The following PAPPA2 variants were observed in gnomAD, a reference collection of about 807,000 sequenced individuals.
PAPPA2 encodes pappalysin 2.
Under a neutral mutation model 176.4 loss-of-function variants are expected in PAPPA2, and 86 were observed. The ratio of observed to expected loss-of-function variants is 0.49; its 90% CI spans 0.41 to 0.58. The LOEUF is 0.58. Ranked by LOEUF, PAPPA2 falls within the 20% of genes least tolerant of loss-of-function variation. PAPPA2 has a pLI of 0.00. For synonymous variants in PAPPA2, 809 were observed against 852.2 expected (o/e 0.95, Z 0.88); for missense variants, 2,073 against 2,256.9 (o/e 0.92, Z 1.65).
At chr1:176,596,401 T>C (rs2102653110) in intron 3 of PAPPA2, among the ~76,000 whole-genome samples, 1 of 152,334 alleles carries the variant, frequency 6.6e-6, no homozygotes, top group East Asian at 1.9e-4. Flanking sequence ...CTCAGGGCTT[T>C]TATGTGCTGT....
chr1:176,490,121 A>C (rs1344690253), intron 1 of PAPPA2, among the ~76,000 whole-genome samples: 1 of 151,948 alleles, frequency 6.6e-6, no homozygotes, highest in Non-Finnish European at 1.5e-5. Flanking sequence ...TTTTGGAAAG[A>C]AGCAAAGTTT....
chr1:176,835,870 AGG>A (rs1667252865), intron 21 of PAPPA2, among the ~76,000 whole-genome samples: 1 of 152,112 alleles, frequency 6.6e-6, no homozygotes, highest in African/African-American at 2.4e-5. Context: ...GAGGTCCCTG[AGG>A]GGCCCTACAG....
At position 176,514,838 on chromosome 1, in the gene PAPPA2, A is replaced by G. The variant is rs61821122; in HGVS notation, c.-916-40569A>G. 5.8e-3 allele frequency among the ~76,000 whole-genome samples: 880 copies of G among 152,360 alleles called. 4 individuals carry two copies. The highest frequency in any genetic ancestry group is 9.9e-3 in the Admixed American group (152 of 15,300). On this transcript the variant is annotated intron_variant, in intron 1 of 22. Transcript: ENST00000367662. ...TACAGAAAGCCTCTCCGGCTTGTGCATATCTCTGGTAGAGTTTGCCCATTC... is the reference window on the plus strand; with the variant it reads ...TACAGAAAGCCTCTCCGGCTTGTGCGTATCTCTGGTAGAGTTTGCCCATTC...
At chr1:176,828,211 G>GT (rs1177413963) in intron 21 of PAPPA2, among the ~76,000 whole-genome samples, 20 of 152,194 alleles carry the variant, frequency 1.3e-4, no homozygotes, top group African/African-American at 4.6e-4. Context: ...AACAGCGCCA[G>GT]TTTTTATTTT....
chr1:176,610,349 G>T (rs1013623322), intron 3 of PAPPA2, among the ~76,000 whole-genome samples: 13 of 150,764 alleles, frequency 8.6e-5, no homozygotes, highest in Admixed American at 3.3e-4. Context: ...GTGTGTGGGG[G>T]GGGGGAGTAG....
intron 1 of PAPPA2, among the ~76,000 whole-genome samples, chr1:176,531,830 C>T (rs10913196): frequency 0.75 from 114,132 of 152,116 alleles, 43,282 homozygotes; most frequent in East Asian, 0.99. Context: ...GAAACGAGTA[C>T]TCTTTAGTAT....
At chr1:176,610,692 G>A (rs999728332) in intron 3 of PAPPA2, among the ~76,000 whole-genome samples, 2 of 152,282 alleles carry the variant, frequency 1.3e-5, no homozygotes, top group African/African-American at 4.8e-5. Context: ...GGAGAGTGGT[G>A]ATGATTAAGA....
At chr1:176,602,379 C>T (rs1382943571) in intron 3 of PAPPA2, among the ~76,000 whole-genome samples, 1 of 152,026 alleles carries the variant, frequency 6.6e-6, no homozygotes, top group Non-Finnish European at 1.5e-5. Flanking sequence ...TGCAGGTATA[C>T]AATAGAAAGG....
At chr1:176,822,529 A>G (rs1180107145) in intron 21 of PAPPA2, among the ~76,000 whole-genome samples, 1 of 152,182 alleles carries the variant, frequency 6.6e-6, no homozygotes, top group Non-Finnish European at 1.5e-5. Flanking sequence ...AGCTATACTC[A>G]CAAGTCTTTT....
intron 21 of PAPPA2, among the ~76,000 whole-genome samples, chr1:176,803,088 A>G (rs1665750830): frequency 6.6e-6 from 1 of 152,148 alleles, no homozygotes. Flanking sequence ...TACTCCTTGT[A>G]TCTTCTGTTT....
rs1376219008 is a variant in PAPPA2, at chr1:176,471,125, A to G, written c.-917+7707A>G. ...GGAAGTGTTTGTTACTTGGTACAAC[A>G]AGAACCCATATGGGAGAAGTGAAAA... On this transcript the variant is annotated intron_variant, in intron 1 of 22. Coordinates refer to ENST00000367662, the MANE Select transcript of PAPPA2 (RefSeq NM_020318.3). Among the ~76,000 whole-genome samples the G allele has an allele frequency of 2.0e-5, 3 of 152,150 alleles. No homozygotes were observed. In the East Asian group the frequency reaches 5.8e-4, roughly 29 times the overall value.
At chr1:176,645,322 C>T (rs1657337785) in intron 3 of PAPPA2, among the ~76,000 whole-genome samples, 1 of 151,812 alleles carries the variant, frequency 6.6e-6, no homozygotes, top group African/African-American at 2.4e-5. Flanking sequence ...TTAGCTCCCA[C>T]ATATGAATGA....
intron 1 of PAPPA2, among the ~76,000 whole-genome samples, chr1:176,528,330 A>C (rs1649607320): frequency 6.6e-6 from 1 of 152,184 alleles, no homozygotes; most frequent in Non-Finnish European, 1.5e-5. Flanking sequence ...CACATGATAG[A>C]GAATACATTT....
At chr1:176,770,478 C>T (rs940109647) in intron 16 of PAPPA2, among the ~76,000 whole-genome samples, 8 of 152,118 alleles carry the variant, frequency 5.3e-5, no homozygotes, top group African/African-American at 1.9e-4. Flanking sequence ...GGCAAGTTAC[C>T]GATCCCCAAT....
chr1:176,713,529 C>T (rs1309791257), intron 12 of PAPPA2, among the ~76,000 whole-genome samples: 2 of 152,184 alleles, frequency 1.3e-5, no homozygotes, highest in African/African-American at 4.8e-5. Flanking sequence ...TATTATAGTC[C>T]TTGATACCAA....
intron 4 of PAPPA2, among the ~76,000 whole-genome samples, chr1:176,683,513 T>C (rs1659688903): frequency 6.6e-6 from 1 of 152,200 alleles, no homozygotes; most frequent in Non-Finnish European, 1.5e-5. Context: ...TTAAACTTTC[T>C]TTCTATTTTG....
chr1:176,753,642 A>G (rs187692589), intron 14 of PAPPA2, among the ~76,000 whole-genome samples: 1 of 138,400 alleles, frequency 7.2e-6, no homozygotes. Flanking sequence ...TTTTTATCAT[A>G]AGGTTTCCTT....
chr1:176,757,004 A>T lies in PAPPA2; in HGVS notation c.4152-8662A>T, dbSNP rs532846822. ...TATTTTGCTGAGAATGATGGTTTCC[A>T]GCTTCATCCATGCCCCTGCAAAGGA... On this transcript the variant is annotated intron_variant, in intron 14 of 22. Transcript: ENST00000367662. Among the ~76,000 whole-genome samples, 7 of 152,268 alleles carry T rather than the reference A, an allele frequency of 4.6e-5. No individual in the cohort carries two copies. In the East Asian group the frequency reaches 1.4e-3, roughly 29 times the overall value.
chr1:176,561,701 A>G (rs1489306247), intron 2 of PAPPA2, among the ~76,000 whole-genome samples: 1 of 152,192 alleles, frequency 6.6e-6, no homozygotes, highest in Admixed American at 6.5e-5. Flanking sequence ...TGAAAATCTG[A>G]TGAAAGCTAT....
Sources: gnomAD v4.1 joint callset for allele counts (sites outside exome capture counted in the v4.1 genomes callset) on GRCh38, gnomAD v4.1.1 for gene constraint, MANE v1.5 for transcripts, NCBI Gene and HGNC (gene_info 2026-07-23, HGNC 2026-07-21) for gene names.